ABCB1: variants seen among roughly 807,000 people sequenced by gnomAD.
The protein encoded by ABCB1 is ATP-dependent translocase ABCB1.
A neutral mutation model predicts 142.0 loss-of-function variants in ABCB1; 69 were observed. The ratio of observed to expected loss-of-function variants is 0.49; its 90% CI spans 0.40 to 0.59. The LOEUF (loss-of-function observed/expected upper bound fraction) is 0.59, where lower values mean the gene tolerates loss of function less well. Among genes scored for constraint, ABCB1 ranks in the 20% least tolerant of loss-of-function variants. The pLI is 0.00. For missense variants in ABCB1, 1,326 were observed against 1,554.7 expected (o/e 0.85, Z 2.47); for synonymous variants, 532 against 539.2 (o/e 0.99, Z 0.18).
intron 4 of ABCB1, among the ~76,000 whole-genome samples, chr7:87,573,632 A>G (rs1231841655): frequency 6.6e-6 from 1 of 152,138 alleles, no homozygotes; most frequent in East Asian, 1.9e-4. Flanking sequence ...ATAACCTTCA[A>G]TGACAGTCCA....
intron 1 of ABCB1, among the ~76,000 whole-genome samples, chr7:87,663,083 T>C (rs541173195): frequency 9.2e-5 from 14 of 152,304 alleles, no homozygotes; most frequent in South Asian, 4.1e-4. Flanking sequence ...TTTTTGTATG[T>C]TGATTTTGTA....
chr7:87,675,653 C>CAAAAAAAAAAAAAAAAAAAGAA (rs1826268571), intron 1 of ABCB1, among the ~76,000 whole-genome samples: 1 of 65,852 alleles, frequency 1.5e-5, no homozygotes, highest in Admixed American at 1.2e-4. Flanking sequence ...TATTCACATG[C>CAAAAAAAAAAAAAAAAAAAGAA]AAAAAAAAAA....
intron 1 of ABCB1, chr7:87,700,272 T>G: frequency 1.7e-6 from 1 of 597,706 alleles, no homozygotes; most frequent in South Asian, 2.8e-5. Flanking sequence ...GGACTAGATT[T>G]GAGGCTTTTT....
rs1563037893 is a variant in ABCB1 at position 87,531,500 on chromosome 7, G to GCAAAA, written c.2482-8_2482-4dup. On this transcript the variant is annotated splice_region_variant and splice_polypyrimidine_tract_variant and intron_variant, in intron 20 of 27. Transcript: ENST00000622132. The stretch of plus-strand genomic sequence containing the variant: ...ACAGCAAGCCTGGAACCTATAGCCT[G>GCAAAA]CAAAACAAAACAAATTAGAGAAATT... 1 of 1,612,188 alleles carries GCAAAA rather than the reference G, an allele frequency of 6.2e-7. No individual in the cohort carries two copies. Among genetic ancestry groups the GCAAAA allele is most frequent in the Admixed American group, 1.7e-5 (1 of 59,906 alleles).
chr7:87,551,279 A>C (rs1817054795), intron 9 of ABCB1, among the ~76,000 whole-genome samples: 1 of 152,184 alleles, frequency 6.6e-6, no homozygotes, highest in African/African-American at 2.4e-5. Context: ...AGCCTGCAAA[A>C]GTGCTGGGAT....
chr7:87,607,211 C>T (rs28381791), intron 1 of ABCB1, among the ~76,000 whole-genome samples: 1,830 of 152,122 alleles, frequency 0.012, 36 homozygotes, highest in African/African-American at 0.042. Context: ...TCATATCAGC[C>T]TCAAAGAGTT....
At chr7:87,644,661 T>C (rs1822801757) in intron 1 of ABCB1, among the ~76,000 whole-genome samples, 1 of 152,160 alleles carries the variant, frequency 6.6e-6, no homozygotes, top group Non-Finnish European at 1.5e-5. Context: ...TTGAACATTT[T>C]TTTTCCTGAA....
chr7:87,564,700 T>C (rs1379789389), intron 7 of ABCB1, among the ~76,000 whole-genome samples: 1 of 152,180 alleles, frequency 6.6e-6, no homozygotes, highest in Non-Finnish European at 1.5e-5. Flanking sequence ...TTTGAAATGA[T>C]ACCAAAAGTG....
chr7:87,689,255 C>T (rs1302839167), intron 1 of ABCB1, among the ~76,000 whole-genome samples: 2 of 152,018 alleles, frequency 1.3e-5, no homozygotes, highest in Non-Finnish European at 2.9e-5. Context: ...TCATGTCTAA[C>T]AGAAATTGAT....
intron 2 of ABCB1, among the ~76,000 whole-genome samples, chr7:87,599,529 A>G (rs1819352312): frequency 6.6e-6 from 1 of 152,220 alleles, no homozygotes; most frequent in South Asian, 2.1e-4. Flanking sequence ...TTCATAAGAC[A>G]GAAACACATA....
intron 1 of ABCB1, among the ~76,000 whole-genome samples, chr7:87,606,508 C>T (rs1306476534): frequency 1.3e-5 from 2 of 151,968 alleles, no homozygotes; most frequent in Non-Finnish European, 2.9e-5. Context: ...GAGCAGTGAC[C>T]TGAATACTTA....
chr7:87,623,597 T>G (rs1820304463), intron 1 of ABCB1, among the ~76,000 whole-genome samples: 1 of 152,268 alleles, frequency 6.6e-6, no homozygotes. Context: ...CTACCTTGCA[T>G]TCTCCAATTC....
At chr7:87,663,563 A>G (rs1824928879) in intron 1 of ABCB1, among the ~76,000 whole-genome samples, 1 of 152,120 alleles carries the variant, frequency 6.6e-6, no homozygotes, top group African/African-American at 2.4e-5. Context: ...TACAGCATAG[A>G]TTTTGTCTTT....
chr7:87,519,619 A>G (rs1815405026), intron 22 of ABCB1, among the ~76,000 whole-genome samples, 153 bp from the exon 23 acceptor site: 1 of 152,232 alleles, frequency 6.6e-6, no homozygotes, highest in Non-Finnish European at 1.5e-5. Flanking sequence ...TTTACACTTA[A>G]CAGTTGTGCA....
intron 18 of ABCB1, among the ~76,000 whole-genome samples, chr7:87,539,818 C>T (rs759616343): frequency 7.9e-5 from 12 of 152,186 alleles, no homozygotes; most frequent in Non-Finnish European, 1.2e-4. Flanking sequence ...TCCAGTCCCC[C>T]CAAGCACCAT....
Position 87,520,806 on chromosome 7 carries a change from A to T in ABCB1, c.2756T>A (p.Met919Lys), listed in dbSNP as rs201740660. Residue 919 changes from methionine (M) to lysine (K), a missense_variant, in exon 22 of 28, where the codon ATG becomes AAG. Met to Lys is a moderately conservative substitution (Grantham distance 95). Transcript: ENST00000622132. ...SLTQEQKFEH[M>K]YAQSLQVPYR... is the part of the protein sequence containing the mutation. ...TGGTACCTGCAAACTCTGAGCATAC[A>T]TATGTTCAAACTTCTGCTCCTGAGT... 1.9e-6 allele frequency: 3 copies of T among 1,613,970 alleles called. No individual in the cohort carries two copies. The highest frequency in any genetic ancestry group is 4.5e-5 in the East Asian group (2 of 44,864).
intron 24 of ABCB1, 94 bp downstream of exon 24, chr7:87,516,415 C>T: frequency 6.7e-7 from 1 of 1,499,882 alleles, no homozygotes; most frequent in South Asian, 1.1e-5. Context: ...TTATCATCAG[C>T]ATATTTGAAA....
At chr7:87,628,637 C>A in intron 1 of ABCB1, 28 of 315,406 alleles carry the variant, frequency 8.9e-5, no homozygotes, top group Middle Eastern at 8.6e-4. Context: ...AGCTCGGGTG[C>A]CAAGGGCGAG....
chr7:87,556,079 A>G (rs1453097916), intron 8 of ABCB1, among the ~76,000 whole-genome samples: 1 of 152,216 alleles, frequency 6.6e-6, no homozygotes, highest in South Asian at 2.1e-4. Context: ...TACAAATGCC[A>G]TACATAAAAC....
Sources: gnomAD v4.1 joint callset for allele counts (sites outside exome capture counted in the v4.1 genomes callset) on GRCh38, gnomAD v4.1.1 for gene constraint, MANE v1.5 for transcripts, NCBI Gene and HGNC (gene_info 2026-07-23, HGNC 2026-07-21) for gene names.